The following DCC variants were observed in gnomAD, a reference collection of about 807,000 sequenced individuals.
DCC encodes DCC netrin 1 receptor, also known as netrin receptor DCC.
In DCC, 58 loss-of-function variants were observed where a neutral mutation model predicts 172.5. The ratio of observed to expected loss-of-function variants is 0.34; its 90% CI spans 0.27 to 0.42. The LOEUF is 0.42. Among genes scored for constraint, DCC ranks in the 10% least tolerant of loss-of-function variants. The pLI is 1.00. For missense variants in DCC, 1,740 were observed against 1,791.0 expected (o/e 0.97, Z 0.51); for synonymous variants, 709 against 644.5 (o/e 1.10, Z -1.52).
chr18:53,077,224 C>G (rs2042736036), intron 7 of DCC, among the ~76,000 whole-genome samples: 1 of 151,816 alleles, frequency 6.6e-6, no homozygotes, highest in Non-Finnish European at 1.5e-5. Context: ...TATATATAGT[C>G]CTACCTTGAG....
At chr18:52,578,649 C>T (rs985130713) in intron 1 of DCC, among the ~76,000 whole-genome samples, 1 of 152,012 alleles carries the variant, frequency 6.6e-6, no homozygotes, top group Non-Finnish European at 1.5e-5. Flanking sequence ...AGGCACTTGC[C>T]TTATGAAACT....
intron 5 of DCC, among the ~76,000 whole-genome samples, chr18:53,014,341 T>C (rs1480544825): frequency 1.3e-5 from 2 of 152,138 alleles, no homozygotes; most frequent in East Asian, 3.9e-4. Flanking sequence ...TGCAGGTTAG[T>C]TACATATGTA....
intron 2 of DCC, among the ~76,000 whole-genome samples, chr18:52,782,129 A>C (rs1206538045): frequency 6.6e-6 from 1 of 152,196 alleles, no homozygotes; most frequent in Non-Finnish European, 1.5e-5. Context: ...TTCAGAGCTA[A>C]GCACAAAGGT....
intron 5 of DCC, among the ~76,000 whole-genome samples, chr18:53,006,857 A>G (rs2041653922): frequency 1.3e-5 from 2 of 152,146 alleles, no homozygotes; most frequent in Admixed American, 1.3e-4. Context: ...TCCACTTCCA[A>G]CAGGGCATGA....
intron 12 of DCC, among the ~76,000 whole-genome samples, chr18:53,253,198 T>A (rs1447046292): frequency 6.6e-6 from 1 of 151,898 alleles, no homozygotes; most frequent in Non-Finnish European, 1.5e-5. Flanking sequence ...AACACAGCAC[T>A]CTTTCTTTTA....
chr18:53,268,698 C>A (rs570776189), intron 12 of DCC, among the ~76,000 whole-genome samples: 6 of 152,128 alleles, frequency 3.9e-5, no homozygotes, highest in Non-Finnish European at 7.4e-5. Context: ...ATGGAGGAAT[C>A]GTGGTGCTGT....
At chr18:52,425,737 A>G (rs980614203) in intron 1 of DCC, among the ~76,000 whole-genome samples, 4 of 152,228 alleles carry the variant, frequency 2.6e-5, no homozygotes, top group Non-Finnish European at 5.9e-5. Flanking sequence ...ATCCCAGGAA[A>G]AAAAGCAAAG....
chr18:52,644,715 A>G (rs967216202), intron 1 of DCC, among the ~76,000 whole-genome samples: 1 of 150,246 alleles, frequency 6.7e-6, no homozygotes, highest in Admixed American at 6.7e-5. Flanking sequence ...TCATTGTACC[A>G]CTGTGTGACA....
intron 12 of DCC, among the ~76,000 whole-genome samples, chr18:53,294,240 A>G (rs2057039292): frequency 6.6e-6 from 1 of 152,226 alleles, no homozygotes; most frequent in Non-Finnish European, 1.5e-5. Flanking sequence ...TTTTTAAAAA[A>G]TAACCCTAAC....
chr18:53,009,665 G>GT (rs1193540171), intron 5 of DCC, among the ~76,000 whole-genome samples: 1 of 151,892 alleles, frequency 6.6e-6, no homozygotes, highest in Non-Finnish European at 1.5e-5. Context: ...CTTCATATAT[G>GT]TTAGTAACAA....
At chr18:53,371,369 AG>A (rs1469094166) in intron 15 of DCC, among the ~76,000 whole-genome samples, 1 of 152,034 alleles carries the variant, frequency 6.6e-6, no homozygotes, top group East Asian at 1.9e-4. Flanking sequence ...CAGTTTTCAA[AG>A]AAGTGGGACT....
At chr18:52,624,335 C>T (rs924290310) in intron 1 of DCC, among the ~76,000 whole-genome samples, 2 of 152,094 alleles carry the variant, frequency 1.3e-5, no homozygotes, top group Non-Finnish European at 2.9e-5. Context: ...TAAAATAGTA[C>T]CTTTTTGTTA....
intron 5 of DCC, among the ~76,000 whole-genome samples, chr18:53,011,572 A>T (rs987180272): frequency 4.6e-5 from 7 of 151,856 alleles, no homozygotes; most frequent in African/African-American, 1.7e-4. Flanking sequence ...AAATAAATGA[A>T]TGGGAAGACT....
chr18:52,883,348 T>TTGTGTGTGTGTG (rs758976846), intron 2 of DCC, among the ~76,000 whole-genome samples: 9 of 106,224 alleles, frequency 8.5e-5, no homozygotes, highest in Non-Finnish European at 1.9e-4. Flanking sequence ...ATTTATTTAT[T>TTGTGTGTGTGTG]TATGTGTGTG....
chr18:53,467,587 A>G (rs1250884631), intron 24 of DCC, among the ~76,000 whole-genome samples: 2 of 152,242 alleles, frequency 1.3e-5, no homozygotes, highest in Non-Finnish European at 2.9e-5. Context: ...TACAAAAAGT[A>G]TGCATGATAT....
intron 5 of DCC, among the ~76,000 whole-genome samples, chr18:52,966,842 C>A (rs2145578517): frequency 6.6e-6 from 1 of 152,274 alleles, no homozygotes; most frequent in East Asian, 1.9e-4. Flanking sequence ...GTTTATTAAG[C>A]TTTGCCTTAA....
Position 53,352,964 on chromosome 18 carries a change from T to C in DCC, c.2359+13057T>C, listed in dbSNP as rs370240108. 2.6e-5 allele frequency among the ~76,000 whole-genome samples: 4 copies of C among 152,314 alleles called. No individual in the cohort carries two copies. In the East Asian group the frequency reaches 7.7e-4, roughly 29 times the overall value. ...ATATTATATATCTTGACCTTACCAT[T>C]ATTGACCTTAAGTAAATACTATACC... On this transcript the variant is annotated intron_variant, in intron 15 of 28. Transcript: ENST00000442544.
At chr18:52,467,578 G>T (rs532863565) in intron 1 of DCC, among the ~76,000 whole-genome samples, 2 of 152,114 alleles carry the variant, frequency 1.3e-5, no homozygotes, top group African/African-American at 4.8e-5. Context: ...TGGGATTGCT[G>T]GGTCAAATGG....
chr18:52,714,761 G>A (rs565883071), intron 1 of DCC, among the ~76,000 whole-genome samples: 3 of 152,230 alleles, frequency 2.0e-5, no homozygotes, highest in East Asian at 3.9e-4. Flanking sequence ...CTAATATACC[G>A]ATAATTCTAT....
Sources: gnomAD v4.1 joint callset for allele counts (sites outside exome capture counted in the v4.1 genomes callset) on GRCh38, gnomAD v4.1.1 for gene constraint, MANE v1.5 for transcripts, NCBI Gene and HGNC (gene_info 2026-07-23, HGNC 2026-07-21) for gene names.